Variants in LTF observed in about 807,000 individuals in gnomAD.
The protein encoded by LTF is lactotransferrin.
In LTF, 91 loss-of-function variants were observed where a neutral mutation model predicts 87.2. That is an observed-to-expected ratio of 1.04 (90% confidence interval 0.88 to 1.24). LTF has a LOEUF of 1.24. LTF is among the 50% of genes most tolerant of loss of function. The pLI, the probability that LTF is intolerant of heterozygous loss-of-function variation, is 0.00. For synonymous variants in LTF, 378 were observed against 356.1 expected, an observed-to-expected ratio of 1.06 and a Z score of -0.69; for missense variants, 901 against 904.3, an observed-to-expected ratio of 1.00 and a Z score of 0.05.
chr3:46,448,356 G>T (rs1357674499), intron 9 of LTF, among the ~76,000 whole-genome samples: 1 of 133,984 alleles, frequency 7.5e-6, no homozygotes, highest in African/African-American at 3.0e-5. Context: ...GACAGATCAA[G>T]AATCTGTCTC....
At chr3:46,446,528 C>G in intron 10 of LTF, 35 bp from the exon 11 acceptor site, 1 of 1,587,448 alleles carries the variant, frequency 6.3e-7, no homozygotes, top group Non-Finnish European at 8.6e-7. Flanking sequence ...CATCATTATC[C>G]ATTCAGATGT....
chr3:46,446,329 C>T (rs553827578), intron 11 of LTF, 111 bp downstream of exon 11: 7 of 780,216 alleles, frequency 9.0e-6, no homozygotes, highest in Admixed American at 7.3e-5. Context: ...CCTAGAAGCC[C>T]TATAGCTTCT....
chr3:46,473,065 T>A (rs1490211532), intron 1 of LTF, among the ~76,000 whole-genome samples: 5 of 152,138 alleles, frequency 3.3e-5, no homozygotes, highest in African/African-American at 1.2e-4. Context: ...CGCCTGCCTG[T>A]TCCTTTCCAT....
rs1207949358 is a variant in LTF at position 46,443,517 on chromosome 3, T to C, written c.1579A>G (p.Ile527Val). ...TTATTCTCACCCTGCTCGTCGCCAA[T>C]ACACAGAGCACAGAGATTAGATCTC... Reference protein sequence around the residue: ...DPRSNLCALCIGDEQGENKCV... With the variant: ...DPRSNLCALCVGDEQGENKCV... Residue 527 changes from isoleucine (I) to valine (V), a missense_variant, in exon 13 of 17, where the codon ATT becomes GTT. Ile to Val is a conservative substitution (Grantham distance 29). Transcript: ENST00000231751. The C allele has an allele frequency of 1.9e-6, 3 of 1,614,032 alleles. No individual in the cohort carries two copies. The highest frequency in any genetic ancestry group is 2.5e-6 in the Non-Finnish European group (3 of 1,179,908).
rs773767772 is a variant in LTF, at chr3:46,445,342, C to G, written c.1452G>C (p.Arg484Ser). The G allele has an allele frequency of 6.2e-7, 1 of 1,614,046 alleles. No homozygotes were observed. Among genetic ancestry groups the G allele is most frequent in the Admixed American group, 1.7e-5 (1 of 59,998 alleles). ...GKKSCHTAVD[R>S]TAGWNIPMGL... ...CCATGGGGATATTCCAGCCTGCAGT[C>G]CTGTCCACGGCGGTGTGGCAGGACT... Residue 484 changes from arginine to serine, a missense_variant, in exon 12 of 17, where the codon AGG becomes AGC. Transcript: ENST00000231751.
upstream of LTF, chr3:46,465,107 C>T: frequency 1.8e-6 from 1 of 567,490 alleles, no homozygotes; most frequent in Non-Finnish European, 3.1e-6. Flanking sequence ...TGTCCTGGTT[C>T]TGCCTGGCTG....
At position 46,443,601 on chromosome 3, in the gene LTF, G is replaced by A. The variant is rs1702576316; in HGVS notation, c.1514-19C>T. On this transcript the variant is annotated intron_variant, in intron 12 of 16. Coordinates refer to ENST00000231751, the MANE Select transcript of LTF (RefSeq NM_002343.6). The stretch of plus-strand genomic sequence containing the variant: ...TATTCATCTGGAGAGAAGGAACACG[G>A]GGAGTCAGCTCTTCAAACCTGAGTC... The A allele has an allele frequency of 1.9e-6, 3 of 1,613,550 alleles. No individual in the cohort carries two copies. The highest frequency in any genetic ancestry group is 2.7e-5 in the African/African-American group (2 of 74,996).
chr3:46,448,091 C>T (rs760706030), intron 9 of LTF, among the ~76,000 whole-genome samples: 6 of 152,144 alleles, frequency 3.9e-5, no homozygotes, highest in Admixed American at 1.3e-4. Context: ...CGTCCGAGTG[C>T]TGTGGCTCAC....
chr3:46,450,447 C>A, intron 7 of LTF, 48 bp downstream of exon 7: 4 of 1,560,782 alleles, frequency 2.6e-6, no homozygotes, highest in Non-Finnish European at 3.5e-6. Context: ...AACCTTGCTC[C>A]CTGCCCCCCA....
chr3:46,439,995 T>G (rs1702479702), intron 14 of LTF, among the ~76,000 whole-genome samples: 1 of 152,158 alleles, frequency 6.6e-6, no homozygotes, highest in Non-Finnish European at 1.5e-5. Flanking sequence ...GAAAGTGGAT[T>G]GATGGTTGCC....
At chr3:46,476,917 A>G (rs907749317) in intron 1 of LTF, among the ~76,000 whole-genome samples, 2 of 152,184 alleles carry the variant, frequency 1.3e-5, no homozygotes, top group African/African-American at 4.8e-5. Flanking sequence ...GAGTGTACCA[A>G]AGTTACCTGT....
intron 2 of LTF, among the ~76,000 whole-genome samples, chr3:46,456,784 T>A (rs1202261944): frequency 6.6e-6 from 1 of 152,244 alleles, no homozygotes; most frequent in African/African-American, 2.4e-5. Flanking sequence ...TCCTAAAATT[T>A]TCATAAGAAA....
intron 1 of LTF, among the ~76,000 whole-genome samples, chr3:46,479,114 C>A (rs1703399299): frequency 6.6e-6 from 1 of 152,220 alleles, no homozygotes; most frequent in Non-Finnish European, 1.5e-5. Flanking sequence ...TGTCCATGGA[C>A]CACGGTAACA....
chr3:46,444,858 A>G (rs2106845790), intron 12 of LTF, among the ~76,000 whole-genome samples: 1 of 152,336 alleles, frequency 6.6e-6, no homozygotes, highest in South Asian at 2.1e-4. Context: ...GCTCCGTTGC[A>G]GTGTAGAGTA....
intron 14 of LTF, 32 bp downstream of exon 14, chr3:46,441,384 T>C: frequency 1.9e-6 from 3 of 1,584,040 alleles, no homozygotes; most frequent in South Asian, 1.1e-5. Context: ...AAGACTCTGC[T>C]TTGAAGGAGA....
intron 8 of LTF, 117 bp from the exon 9 acceptor site, chr3:46,449,134 G>T: frequency 1.1e-6 from 1 of 872,496 alleles, no homozygotes; most frequent in Non-Finnish European, 1.7e-6. Flanking sequence ...CAGTACATGT[G>T]TGGACATGTG....
chr3:46,459,699 C>T lies in LTF; in HGVS notation c.164G>A (p.Cys55Tyr). 2 of 1,568,898 alleles carry T rather than the reference C, an allele frequency of 1.3e-6. No homozygotes were observed. The highest frequency in any genetic ancestry group is 8.6e-7 in the Non-Finnish European group (1 of 1,161,384). The part of the protein sequence containing the change: ...MRKVRGPPVS[C>Y]IKRDSPIQCI... The stretch of plus-strand genomic sequence containing the variant: ...CTGGATGGGGGAGTCTCTCTTTATG[C>T]AGCTGACAGGAGGGCCACGCACTTT... Residue 55 changes from cysteine to tyrosine, a missense_variant, in exon 2 of 17, where the codon TGC becomes TAC. By Grantham distance (194) the Cys-to-Tyr change is radical (BLOSUM62 -2). Transcript: ENST00000231751.
intron 2 of LTF, among the ~76,000 whole-genome samples, chr3:46,456,625 T>C (rs1702943106): frequency 6.6e-6 from 1 of 152,134 alleles, no homozygotes; most frequent in South Asian, 2.1e-4. Context: ...GCCCTCTTTC[T>C]CCTCTGCCTG....
chr3:46,446,918 C>T (rs1397348361), intron 10 of LTF, among the ~76,000 whole-genome samples: 1 of 152,180 alleles, frequency 6.6e-6, no homozygotes, highest in Non-Finnish European at 1.5e-5. Context: ...AGGAGAGAGG[C>T]TTCCCTTGCA....
Sources: allele counts gnomAD v4.1 joint callset (sites outside exome capture counted in the v4.1 genomes callset), GRCh38; gene constraint gnomAD v4.1.1; transcripts MANE v1.5; gene names NCBI Gene and HGNC (gene_info 2026-07-23, HGNC 2026-07-21).